DDX10: variants seen among roughly 807,000 people sequenced by gnomAD.
DDX10 encodes DEAD-box helicase 10, also known as probable ATP-dependent RNA helicase DDX10.
DDX10 carries 74 observed loss-of-function variants against 104.3 expected under a neutral mutation model. The observed-to-expected ratio is 0.71, with a 90% CI of 0.59 to 0.86. The LOEUF (loss-of-function observed/expected upper bound fraction) is 0.86, where lower values mean the gene tolerates loss of function less well. Ranked by LOEUF, DDX10 falls within the 40% of genes least tolerant of loss-of-function variation. The pLI, the probability that DDX10 is intolerant of heterozygous loss-of-function variation, is 0.00. For missense variants in DDX10, 952 were observed against 1,040.0 expected (o/e 0.92, Z 1.16); for synonymous variants, 351 against 353.4 (o/e 0.99, Z 0.08).
At chr11:108,710,671 A>G (rs1254151453) in intron 10 of DDX10, among the ~76,000 whole-genome samples, 3 of 152,216 alleles carry the variant, frequency 2.0e-5, no homozygotes, top group South Asian at 2.1e-4. Context: ...AATAAAAAGT[A>G]TGGTGAATAA....
chr11:108,852,422 G>T (rs1443512103), intron 16 of DDX10, among the ~76,000 whole-genome samples: 1 of 152,142 alleles, frequency 6.6e-6, no homozygotes, highest in Non-Finnish European at 1.5e-5. Flanking sequence ...GTATTCCTCT[G>T]GTGCAGGACG....
intron 17 of DDX10, among the ~76,000 whole-genome samples, chr11:108,935,617 A>C (rs1864026634): frequency 6.6e-6 from 1 of 152,148 alleles, no homozygotes; most frequent in South Asian, 2.1e-4. Flanking sequence ...GTGGGCATGG[A>C]AACCATTATT....
At chr11:108,908,755 G>T (rs756970187) in intron 16 of DDX10, among the ~76,000 whole-genome samples, 1 of 152,128 alleles carries the variant, frequency 6.6e-6, no homozygotes, top group Non-Finnish European at 1.5e-5. Context: ...GCTGAGTTCT[G>T]GGGGAATGGA....
intron 13 of DDX10, among the ~76,000 whole-genome samples, chr11:108,805,194 G>A (rs1363159149): frequency 2.0e-5 from 3 of 152,192 alleles, no homozygotes; most frequent in Admixed American, 2.0e-4. Context: ...ACAGTATGTT[G>A]CAGCATGACT....
chr11:108,813,516 T>C (rs1194767844), intron 13 of DDX10, among the ~76,000 whole-genome samples: 1 of 152,198 alleles, frequency 6.6e-6, no homozygotes, highest in Non-Finnish European at 1.5e-5. Context: ...TGATTTTGTT[T>C]TGTTTGTCTT....
At chr11:108,826,731 C>T (rs1407902508) in intron 13 of DDX10, among the ~76,000 whole-genome samples, 6 of 152,106 alleles carry the variant, frequency 3.9e-5, no homozygotes, top group Non-Finnish European at 8.8e-5. Flanking sequence ...TGATCACATC[C>T]GCATGCATCT....
intron 13 of DDX10, among the ~76,000 whole-genome samples, chr11:108,744,946 A>T (rs1386745693): frequency 6.6e-6 from 1 of 152,118 alleles, no homozygotes; most frequent in Non-Finnish European, 1.5e-5. Flanking sequence ...AAGAGCACAG[A>T]GTGTGTTGTG....
rs1338923029 is a variant in DDX10, at chr11:108,665,205, C to G, written c.52C>G (p.Arg18Gly). 6 of 1,613,328 alleles carry G rather than the reference C, an allele frequency of 3.7e-6. No homozygotes were observed. Among genetic ancestry groups the G allele is most frequent in the Non-Finnish European group, 5.1e-6 (6 of 1,179,740 alleles). Residue 18 changes from arginine to glycine, a missense_variant, in exon 1 of 18, where the codon CGG becomes GGG. Coordinates refer to ENST00000322536, the MANE Select transcript of DDX10 (RefSeq NM_004398.4). Reference sequence around the variant, plus strand: ...TTCGGGAGCCCGACCCGACCCGGTGCGGAGCTTCAATCGCTGGAAGAAAAA... The same window carrying G: ...TTCGGGAGCCCGACCCGACCCGGTGGGGAGCTTCAATCGCTGGAAGAAAAA... The part of the protein sequence containing the change: ...PGSGARPDPV[R>G]SFNRWKKKHS...
At chr11:108,840,694 C>T (rs1245858716) in intron 14 of DDX10, among the ~76,000 whole-genome samples, 3 of 152,114 alleles carry the variant, frequency 2.0e-5, no homozygotes, top group African/African-American at 7.2e-5. Flanking sequence ...AACTGATTTT[C>T]TCCTTTTCAG....
At chr11:108,799,951 C>T (rs1479427636) in intron 13 of DDX10, among the ~76,000 whole-genome samples, 1 of 151,966 alleles carries the variant, frequency 6.6e-6, no homozygotes, top group Non-Finnish European at 1.5e-5. Context: ...GTCTGTCTCT[C>T]TCTGTTACCC....
At chr11:108,769,169 T>C (rs1205013005) in intron 13 of DDX10, among the ~76,000 whole-genome samples, 1 of 151,920 alleles carries the variant, frequency 6.6e-6, no homozygotes, top group African/African-American at 2.4e-5. Context: ...ATCTCTTTCA[T>C]CAGCACTGGA....
At chr11:108,689,167 G>A (rs2094248654) in intron 7 of DDX10, 105 bp downstream of exon 7, 1 of 1,189,550 alleles carries the variant, frequency 8.4e-7, no homozygotes, top group Non-Finnish European at 1.2e-6. Flanking sequence ...ACAGTGCTAG[G>A]TGTGGTGAGG....
At chr11:108,925,818 G>A (rs1251199782) in intron 17 of DDX10, among the ~76,000 whole-genome samples, 2 of 151,998 alleles carry the variant, frequency 1.3e-5, no homozygotes, top group African/African-American at 4.8e-5. Context: ...CTTAGGTTTT[G>A]GGTTCCTGTG....
intron 17 of DDX10, chr11:108,918,503 G>T: frequency 6.5e-6 from 1 of 153,884 alleles, no homozygotes; most frequent in Non-Finnish European, 1.4e-5. Flanking sequence ...CAAAATACTG[G>T]TGGGGCTGGG....
chr11:108,915,890 G>A (rs188568471), intron 16 of DDX10, among the ~76,000 whole-genome samples: 12 of 149,538 alleles, frequency 8.0e-5, no homozygotes, highest in African/African-American at 2.0e-4. Flanking sequence ...AATGCAGAGC[G>A]GATTTGAGAA....
At chr11:108,688,062 T>A (rs2094247127) in intron 6 of DDX10, among the ~76,000 whole-genome samples, 1 of 152,226 alleles carries the variant, frequency 6.6e-6, no homozygotes, top group Non-Finnish European at 1.5e-5. Flanking sequence ...ATTCCTTTTT[T>A]ACAGTTGCAT....
At chr11:108,854,357 A>G (rs1241058586) in intron 16 of DDX10, among the ~76,000 whole-genome samples, 1 of 152,234 alleles carries the variant, frequency 6.6e-6, no homozygotes, top group African/African-American at 2.4e-5. Flanking sequence ...TGTGCTTTAA[A>G]TGACAGATGT....
intron 13 of DDX10, among the ~76,000 whole-genome samples, chr11:108,745,061 T>TTCCCCCC (rs2094329771): frequency 2.8e-5 from 1 of 36,044 alleles, no homozygotes. Context: ...CCCTTCCCCC[T>TTCCCCCC]TCCCCCTTCC....
At chr11:108,768,004 A>T (rs1380589203) in intron 13 of DDX10, 1 of 152,266 alleles carries the variant, frequency 6.6e-6, no homozygotes. Flanking sequence ...GATGAATAGT[A>T]AGTATATTTT....
Sources: gnomAD v4.1 joint callset for allele counts (sites outside exome capture counted in the v4.1 genomes callset) on GRCh38, gnomAD v4.1.1 for gene constraint, MANE v1.5 for transcripts, NCBI Gene and HGNC (gene_info 2026-07-23, HGNC 2026-07-21) for gene names.